The following DNAH14 variants were observed in gnomAD, a reference collection of about 807,000 sequenced individuals.
DNAH14 encodes dynein axonemal heavy chain 14.
A neutral mutation model predicts 520.9 loss-of-function variants in DNAH14; 478 were observed. The ratio of observed to expected loss-of-function variants is 0.92; its 90% CI spans 0.85 to 0.99. The LOEUF is 0.99. Among genes scored for constraint, DNAH14 ranks in the 50% least tolerant of loss-of-function variants. The pLI is 0.00. For missense variants in DNAH14, 4,831 were observed against 5,234.5 expected (o/e 0.92, Z 2.38); for synonymous variants, 1,581 against 1,757.2 (o/e 0.90, Z 2.51).
At chr1:225,018,008 G>A (rs1387992065) in intron 10 of DNAH14, among the ~76,000 whole-genome samples, 1 of 152,204 alleles carries the variant, frequency 6.6e-6, no homozygotes, top group African/African-American at 2.4e-5. Flanking sequence ...AAAAGCCAGA[G>A]TGTCTTCTTA....
chr1:225,059,534 T>G (rs1377721662), intron 17 of DNAH14, among the ~76,000 whole-genome samples: 1 of 152,278 alleles, frequency 6.6e-6, no homozygotes, highest in African/African-American at 2.4e-5. Context: ...ACATTTCAGG[T>G]TAATATCGTT....
At chr1:225,174,868 G>A (rs1332507386) in intron 36 of DNAH14, among the ~76,000 whole-genome samples, 1 of 151,932 alleles carries the variant, frequency 6.6e-6, no homozygotes, top group Non-Finnish European at 1.5e-5. Flanking sequence ...GTTTGTTTAA[G>A]GTTTTTTTTA....
chr1:225,274,197 A>ATTTTCTTTTT (rs2093397664), intron 52 of DNAH14, among the ~76,000 whole-genome samples: 1 of 92,882 alleles, frequency 1.1e-5, no homozygotes, highest in African/African-American at 4.0e-5. Flanking sequence ...AGCATCTGTT[A>ATTTTCTTTTT]TTTTTTTTTT....
intron 8 of DNAH14, among the ~76,000 whole-genome samples, chr1:224,976,797 C>A (rs1469328232): frequency 6.6e-6 from 1 of 151,956 alleles, no homozygotes; most frequent in Non-Finnish European, 1.5e-5. Context: ...GATACCATCT[C>A]ATACCAGTTA....
chr1:225,264,400 C>A, intron 47 of DNAH14, 139 bp downstream of exon 47: 1 of 773,034 alleles, frequency 1.3e-6, no homozygotes, highest in Non-Finnish European at 2.0e-6. Context: ...AAAAACTATC[C>A]CACACCCTCT....
chr1:225,165,805 G>C (rs921393311), intron 35 of DNAH14, among the ~76,000 whole-genome samples: 2 of 151,844 alleles, frequency 1.3e-5, no homozygotes, highest in African/African-American at 2.4e-5. Context: ...GGCTGATCTC[G>C]AACTCCTGGG....
intron 68 of DNAH14, among the ~76,000 whole-genome samples, chr1:225,339,531 T>C (rs1558454823): frequency 6.6e-6 from 1 of 152,170 alleles, no homozygotes. Context: ...TGGAAAACAC[T>C]GCATTAACCC....
In DNAH14 at chr1:225,046,559, C is replaced by A. The variant is rs530483369; in HGVS notation, c.1912+2576C>A. ...TCCTAGCATCATGAATTGAATAATC[C>A]ATTCCTTATCCCCACTGATTTGAAA... On this transcript the variant is annotated intron_variant, in intron 15 of 85. Transcript: ENST00000682510. Among the ~76,000 whole-genome samples, 16 of 152,184 alleles carry A rather than the reference C, an allele frequency of 1.1e-4. No individual in the cohort carries two copies. In the South Asian group the frequency reaches 2.1e-3, roughly 20 times the overall value.
intron 38 of DNAH14, among the ~76,000 whole-genome samples, chr1:225,194,880 G>C (rs1238113734): frequency 6.6e-6 from 1 of 152,050 alleles, no homozygotes. Flanking sequence ...CTCCAAAGAA[G>C]ATATACATTG....
chr1:225,394,467 T>G (rs2095975109), intron 84 of DNAH14, among the ~76,000 whole-genome samples: 1 of 152,244 alleles, frequency 6.6e-6, no homozygotes, highest in Non-Finnish European at 1.5e-5. Flanking sequence ...AATCTTTGCC[T>G]ACCCTAAACT....
At chr1:225,177,609 C>A (rs536345800) in intron 36 of DNAH14, among the ~76,000 whole-genome samples, 31 of 152,180 alleles carry the variant, frequency 2.0e-4, no homozygotes, top group Non-Finnish European at 3.8e-4. Flanking sequence ...TGAAAGGGGA[C>A]AATGTAGAGC....
chr1:225,078,335 G>A (rs140225995), intron 17 of DNAH14, among the ~76,000 whole-genome samples: 3 of 152,170 alleles, frequency 2.0e-5, no homozygotes, highest in Non-Finnish European at 4.4e-5. Flanking sequence ...GATCATGTAC[G>A]TAAAGAACCT....
rs925001971 is a variant in DNAH14, at chr1:224,949,390, G to A, written c.-33-3280G>A. The stretch of plus-strand genomic sequence containing the variant: ...TATGTATGTATATATATGAACATAT[G>A]TTCATTCTGCTTAGAATTTGTTGGA... On this transcript the variant is annotated intron_variant, in intron 1 of 85. Coordinates refer to ENST00000682510, the MANE Select transcript of DNAH14 (RefSeq NM_001367479.1). Among the ~76,000 whole-genome samples, 4 of 152,054 alleles carry A rather than the reference G, an allele frequency of 2.6e-5. No individual in the cohort carries two copies. The South Asian group carries it at 8.3e-4, about 31-fold the overall frequency.
intron 60 of DNAH14, among the ~76,000 whole-genome samples, chr1:225,310,314 A>G (rs1574677271): frequency 6.6e-6 from 1 of 152,282 alleles, no homozygotes; most frequent in East Asian, 1.9e-4. Flanking sequence ...ACAGTACACA[A>G]TTAGATATGA....
At chr1:225,318,306 T>C (rs2150178568) in intron 60 of DNAH14, among the ~76,000 whole-genome samples, 1 of 152,316 alleles carries the variant, frequency 6.6e-6, no homozygotes, top group African/African-American at 2.4e-5. Context: ...GCATTGTTAA[T>C]TCTACACTGA....
Position 224,967,599 on chromosome 1 carries a change from T to G in DNAH14, c.651+16T>G. 1 of 1,595,792 alleles carries G rather than the reference T, an allele frequency of 6.3e-7. No homozygotes were observed. The highest frequency in any genetic ancestry group is 8.5e-7 in the Non-Finnish European group (1 of 1,174,562). On this transcript the variant is annotated intron_variant, in intron 6 of 85. Transcript: ENST00000682510. ...TATCTCAAAGGTAATGTTTAATGGA[T>G]GTTTTAAGCTTTCAGAATTATATTA...
At chr1:225,041,819 G>C (rs1317897536) in intron 12 of DNAH14, among the ~76,000 whole-genome samples, 1 of 152,140 alleles carries the variant, frequency 6.6e-6, no homozygotes, top group Non-Finnish European at 1.5e-5. Flanking sequence ...TTATTTTCGA[G>C]AATAAGCTAA....
rs2062347076 is a variant in DNAH14, at chr1:224,982,512, C to T, written c.830+8359C>T. 1.3e-5 allele frequency among the ~76,000 whole-genome samples: 2 copies of T among 152,170 alleles called. 1 individual carries two copies. Among genetic ancestry groups the T allele is most frequent in the South Asian group, 4.1e-4 (2 of 4,830 alleles). On this transcript the variant is annotated intron_variant, in intron 8 of 85. Coordinates refer to ENST00000682510, the MANE Select transcript of DNAH14 (RefSeq NM_001367479.1). The stretch of plus-strand genomic sequence containing the variant: ...TTGGGTTTGGTTTGTTCTTGTTTCT[C>T]TAGTTCCTTGAGGCGTGACCTTAGA...
In DNAH14 at chr1:225,335,505, A is replaced by G. The variant is rs150507853; in HGVS notation, c.10081-1761A>G. ...CACATATACACGTGTGTACATGTAC[A>G]CATATACATATGTACATATATACAT... On this transcript the variant is annotated intron_variant, in intron 66 of 85. Transcript: ENST00000682510. Among the ~76,000 whole-genome samples, 208 of 116,238 alleles carry G rather than the reference A, an allele frequency of 1.8e-3. 34 individuals are homozygous for G. Among genetic ancestry groups the G allele is most frequent in the African/African-American group, 7.1e-3 (190 of 26,660 alleles). 76.3% of individuals were successfully genotyped at this position (116,238 alleles called of 152,430 possible). A position where few individuals can be genotyped will look rare whatever the true frequency, so the allele number is the denominator to read the frequency against.
Sources: gnomAD v4.1 joint callset for allele counts (sites outside exome capture counted in the v4.1 genomes callset) on GRCh38, gnomAD v4.1.1 for gene constraint, MANE v1.5 for transcripts, NCBI Gene and HGNC (gene_info 2026-07-23, HGNC 2026-07-21) for gene names.